Variants in IQCB1 observed in about 807,000 individuals in gnomAD.
The protein encoded by IQCB1 is IQ motif containing B1.
In IQCB1, 56 loss-of-function variants were observed where a neutral mutation model predicts 84.4. The observed-to-expected ratio is 0.66, with a 90% confidence interval of 0.54 to 0.83. The LOEUF (loss-of-function observed/expected upper bound fraction) is 0.83, where lower values mean the gene tolerates loss of function less well. Ranked by LOEUF, IQCB1 falls within the 40% of genes least tolerant of loss-of-function variation. IQCB1 has a pLI of 0.00. For synonymous variants in IQCB1, 210 were observed against 234.8 expected, an observed-to-expected ratio of 0.89 and a Z score of 0.96; for missense variants, 629 against 682.1, an observed-to-expected ratio of 0.92 and a Z score of 0.87.
At chr3:121,780,459 T>G (rs1371774276) in intron 13 of IQCB1, among the ~76,000 whole-genome samples, 1 of 152,184 alleles carries the variant, frequency 6.6e-6, no homozygotes, top group African/African-American at 2.4e-5. Flanking sequence ...GTCTACCTCT[T>G]TATGGTAATC....
rs1185507032 is a variant in IQCB1 at position 121,828,928 on chromosome 3, T to C, written c.33A>G (p.Leu11=). ...TTTTTGCAACTTCAGCAGCTATAGATAAGATCCTTGGGTCTGTACCTGTTG... is the reference window on the plus strand; with the variant it reads ...TTTTTGCAACTTCAGCAGCTATAGACAAGATCCTTGGGTCTGTACCTGTTG... MKPTGTDPRI[L]SIAAEVAKSP... is the part of the protein sequence containing the mutation. The change falls in exon 3 of 15, where the codon TTA becomes TTG. Residue 11 remains leucine (L), a synonymous_variant. Coordinates refer to ENST00000310864, the MANE Select transcript of IQCB1 (RefSeq NM_001023570.4). The C allele has an allele frequency of 6.2e-7, 1 of 1,611,380 alleles. No individual in the cohort carries two copies. Among genetic ancestry groups the C allele is most frequent in the Non-Finnish European group, 8.5e-7 (1 of 1,178,408 alleles).
rs773338261 is a variant in IQCB1 at position 121,790,088 on chromosome 3, C to T, written c.1114G>A (p.Glu372Lys). 26 of 1,613,408 alleles carry T rather than the reference C, an allele frequency of 1.6e-5. No homozygotes were observed. The highest frequency in any genetic ancestry group is 1.2e-4 in the South Asian group (11 of 91,064). The change falls in exon 11 of 15, where the codon GAA becomes AAA. Residue 372 changes from glutamate to lysine, a missense_variant. By Grantham distance (56) the Glu-to-Lys change is moderately conservative. Transcript: ENST00000310864. ...LSRELQLSML[E>K]IVHPGQVEKH... ...TGCCACTCACCTGGATGAACTATTT[C>T]GAGCATACTCAGCTGCAATTCTCGG... is the stretch of plus-strand genomic sequence containing the variant.
rs779972036 is a variant in IQCB1 at position 121,772,493 on chromosome 3, T to A, written c.1567+64A>T. On this transcript the variant is annotated intron_variant, in intron 14 of 14. Transcript: ENST00000310864. ...TAGTAATGGTTTCCTTCTAAAGGTT[T>A]TGGATGTCACAAACCTCGCATAGGT... The A allele has an allele frequency of 1.5e-3, 2,397 of 1,548,422 alleles. 12 individuals are homozygous for A. In the Middle Eastern group the frequency reaches 0.022, roughly 14 times the overall value.
At chr3:121,804,045 T>C (rs1056080124) in intron 7 of IQCB1, among the ~76,000 whole-genome samples, 2 of 152,140 alleles carry the variant, frequency 1.3e-5, no homozygotes, top group South Asian at 2.1e-4. Context: ...TTAATTTTTA[T>C]TGCCTTTGTT....
chr3:121,803,012 G>A (rs1393110692), intron 7 of IQCB1, among the ~76,000 whole-genome samples: 3 of 151,964 alleles, frequency 2.0e-5, no homozygotes, highest in Non-Finnish European at 2.9e-5. Context: ...TAATTCCATC[G>A]AGGCCAGAGA....
chr3:121,798,044 G>A (rs573726922), intron 8 of IQCB1, among the ~76,000 whole-genome samples: 4 of 152,014 alleles, frequency 2.6e-5, no homozygotes, highest in African/African-American at 9.6e-5. Flanking sequence ...TGAGATATAA[G>A]TCAAAGAAAG....
chr3:121,779,715 G>A (rs954476742), intron 13 of IQCB1, among the ~76,000 whole-genome samples: 1 of 152,056 alleles, frequency 6.6e-6, no homozygotes, highest in Non-Finnish European at 1.5e-5. Flanking sequence ...GTTGGGTGCT[G>A]GATATTTTGA....
intron 13 of IQCB1, among the ~76,000 whole-genome samples, chr3:121,774,458 TAC>T (rs1948140249): frequency 6.6e-6 from 1 of 152,196 alleles, no homozygotes; most frequent in South Asian, 2.1e-4. Flanking sequence ...TGAAAGCAAG[TAC>T]ACACACAGAT....
intron 7 of IQCB1, among the ~76,000 whole-genome samples, chr3:121,804,583 C>G (rs1355140441): frequency 6.6e-6 from 1 of 152,076 alleles, no homozygotes; most frequent in Non-Finnish European, 1.5e-5. Context: ...AAGTTGCTGT[C>G]ATCCTTATCT....
At chr3:121,809,099 GA>G (rs1262628570) in intron 5 of IQCB1, 90 bp from the exon 6 acceptor site, 11 of 733,680 alleles carry the variant, frequency 1.5e-5, no homozygotes, top group Non-Finnish European at 2.5e-5. Context: ...GGAGTTAGAG[GA>G]TACAGTTTCT....
chr3:121,799,857 C>A lies in IQCB1; in HGVS notation c.588-483G>T, dbSNP rs1269120167. ...GGTATTTCCTTCATTATACTAACAA[C>A]CCATCTTGTATTACTGATGTTGTGA... On this transcript the variant is annotated intron_variant, in intron 7 of 14. Transcript: ENST00000310864. Among the ~76,000 whole-genome samples the A allele has an allele frequency of 4.6e-5, 7 of 151,782 alleles. No homozygotes were observed. In the East Asian group the frequency reaches 1.3e-3, roughly 29 times the overall value.
intron 13 of IQCB1, among the ~76,000 whole-genome samples, chr3:121,777,968 C>T (rs1364765360): frequency 6.6e-6 from 1 of 151,012 alleles, no homozygotes; most frequent in Non-Finnish European, 1.5e-5. Flanking sequence ...AGTGCAGTAG[C>T]ATGAACATGC....
Position 121,790,081 on chromosome 3 carries a change from A to T in IQCB1, c.1121T>A (p.Val374Asp), listed in dbSNP as rs1214653786. The stretch of plus-strand genomic sequence containing the variant: ...TTGATACTGCCACTCACCTGGATGA[A>T]CTATTTCGAGCATACTCAGCTGCAA... ...RELQLSMLEI[V>D]HPGQVEKHYR... Residue 374 changes from valine (V) to aspartate (D), a missense_variant, in exon 11 of 15, where the codon GTT becomes GAT. Val to Asp is a radical substitution (Grantham distance 152). Transcript: ENST00000310864. The T allele has an allele frequency of 2.5e-5, 41 of 1,613,292 alleles. No individual in the cohort carries two copies. The highest frequency in any genetic ancestry group is 3.5e-5 in the Non-Finnish European group (41 of 1,179,398).
chr3:121,801,710 G>T (rs1949413829), intron 7 of IQCB1, among the ~76,000 whole-genome samples: 1 of 150,978 alleles, frequency 6.6e-6, no homozygotes. Flanking sequence ...GTATTTCATT[G>T]TAGTTCCTCC....
intron 12 of IQCB1, among the ~76,000 whole-genome samples, chr3:121,785,890 T>C (rs7623743): frequency 0.64 from 97,391 of 151,364 alleles, 31,809 homozygotes; most frequent in African/African-American, 0.71. Flanking sequence ...ACTTTTAGGC[T>C]AGGCGCAGTG....
intron 9 of IQCB1, among the ~76,000 whole-genome samples, chr3:121,796,199 C>A (rs562880330): frequency 2.0e-5 from 3 of 151,994 alleles, no homozygotes; most frequent in Non-Finnish European, 1.5e-5. Context: ...TCTAAACTCA[C>A]GATGGTTCAT....
chr3:121,788,880 C>G (rs892689903), intron 11 of IQCB1, among the ~76,000 whole-genome samples: 3 of 152,108 alleles, frequency 2.0e-5, no homozygotes, highest in Non-Finnish European at 4.4e-5. Flanking sequence ...GCTCAGCATA[C>G]AGCCCAGGGT....
intron 5 of IQCB1, among the ~76,000 whole-genome samples, chr3:121,811,428 C>T (rs1949826463): frequency 1.3e-5 from 2 of 152,152 alleles, no homozygotes; most frequent in Non-Finnish European, 2.9e-5. Flanking sequence ...CTGTTCACTC[C>T]CCTGGAAAGG....
At chr3:121,804,405 T>G (rs60154494) in intron 7 of IQCB1, among the ~76,000 whole-genome samples, 24,744 of 152,036 alleles carry the variant, frequency 0.16, 2,671 homozygotes, top group East Asian at 0.63. Context: ...TCCCTTCTGA[T>G]GGAAGGACTT....
Sources: allele counts gnomAD v4.1 joint callset (sites outside exome capture counted in the v4.1 genomes callset), GRCh38; gene constraint gnomAD v4.1.1; transcripts MANE v1.5; gene names NCBI Gene and HGNC (gene_info 2026-07-23, HGNC 2026-07-21).